CTSH: variants seen among roughly 807,000 people sequenced by gnomAD.
CTSH encodes the protein pro-cathepsin H.
A neutral mutation model predicts 56.3 loss-of-function variants in CTSH; 52 were observed. The observed-to-expected ratio is 0.92, with a 90% CI of 0.74 to 1.16. The LOEUF is 1.16. Among genes scored for constraint, CTSH ranks in the 50% most tolerant of loss-of-function variants. The pLI, the probability that CTSH is intolerant of heterozygous loss-of-function variation, is 0.00. For missense variants in CTSH, 406 were observed against 424.5 expected (o/e 0.96, Z 0.38); for synonymous variants, 174 against 155.7 (o/e 1.12, Z -0.88).
chr15:78,924,522 C>T (rs559601242), intron 10 of CTSH, among the ~76,000 whole-genome samples: 1 of 152,164 alleles, frequency 6.6e-6, no homozygotes, highest in East Asian at 1.9e-4. Flanking sequence ...GGAAATGAGG[C>T]TGCAAACCAG....
chr15:78,942,888 G>C (rs1244611277), intron 1 of CTSH, among the ~76,000 whole-genome samples: 3 of 152,138 alleles, frequency 2.0e-5, no homozygotes, highest in Admixed American at 6.5e-5. Context: ...CTCCGTTTTT[G>C]GGTCTCGAAC....
intron 5 of CTSH, among the ~76,000 whole-genome samples, chr15:78,934,607 G>A (rs2055134003): frequency 6.6e-6 from 1 of 152,240 alleles, no homozygotes; most frequent in African/African-American, 2.4e-5. Context: ...CTGGACCCTG[G>A]TGGCTCGGAG....
At chr15:78,922,932 C>T (rs987913356) in intron 11 of CTSH, 61 bp downstream of exon 11, 13 of 1,551,380 alleles carry the variant, frequency 8.4e-6, no homozygotes, top group Non-Finnish European at 1.1e-5. Flanking sequence ...AGTGATGCCC[C>T]CAGGGCCTCC....
In CTSH at chr15:78,937,348, C is replaced by A; in HGVS notation, c.199G>T (p.Ala67Ser). The change falls in exon 3 of 12, where the codon GCC (alanine) becomes TCC (serine). Residue 67 changes from alanine to serine, a missense_variant. Ala to Ser is a moderately conservative substitution (Grantham distance 99). Transcript: ENST00000220166. ...AATGTGTGGTTCCCATTGTTGTGGG[C>A]GTTTATCTTCCTCCAGTTGCTGGCA... ...TFASNWRKINAHNNGNHTFKM... is the reference protein window; with the variant it reads ...TFASNWRKINSHNNGNHTFKM... 6.2e-7 allele frequency: 1 copy of A among 1,614,020 alleles called. No homozygotes were observed. Among genetic ancestry groups the A allele is most frequent in the Middle Eastern group, 1.7e-4 (1 of 6,044 alleles).
At position 78,930,665 on chromosome 15, in the gene CTSH, A is replaced by C. The variant is rs185505780; in HGVS notation, c.548+786T>G. Among the ~76,000 whole-genome samples the C allele has an allele frequency of 8.5e-5, 13 of 152,344 alleles. No homozygotes were observed. The East Asian group carries it at 2.1e-3, about 25-fold the overall frequency. Reference sequence around the variant, plus strand: ...TGTGGAGTGGAAACAGACCAAAAGTAAGGGGACACTGAGCATGATGGTGGA... The same window carrying C: ...TGTGGAGTGGAAACAGACCAAAAGTCAGGGGACACTGAGCATGATGGTGGA... On this transcript the variant is annotated intron_variant, in intron 7 of 11. Transcript: ENST00000220166.
chr15:78,936,921 G>A (rs139414307), intron 3 of CTSH: 2,839 of 172,542 alleles, frequency 0.016, 43 homozygotes, highest in Admixed American at 0.025. Context: ...GAGCCACCGC[G>A]CCCGGCCTAT....
chr15:78,944,732 A>C, intron 1 of CTSH, 159 bp downstream of exon 1: 1 of 1,291,148 alleles, frequency 7.7e-7, no homozygotes, highest in South Asian at 2.0e-5. Context: ...CCTATAATGC[A>C]GTTTACCCCT....
intron 7 of CTSH, 42 bp from the exon 8 acceptor site, chr15:78,929,535 T>C (rs767914772): frequency 8.2e-6 from 12 of 1,462,748 alleles, no homozygotes; most frequent in Admixed American, 1.9e-5. Flanking sequence ...GGGGCTGTCC[T>C]GATAGAGGCG....
chr15:78,935,831 C>T (rs2055162728), intron 3 of CTSH, 81 bp from the exon 4 acceptor site: 1 of 970,250 alleles, frequency 1.0e-6, no homozygotes, highest in South Asian at 1.4e-5. Flanking sequence ...GATGAAACCT[C>T]CTGTTTACCT....
chr15:78,942,197 C>G (rs949779252), intron 1 of CTSH, among the ~76,000 whole-genome samples: 2 of 149,730 alleles, frequency 1.3e-5, no homozygotes, highest in African/African-American at 4.9e-5. Flanking sequence ...AGCCCTCCCT[C>G]CCTCCCTTTC....
chr15:78,940,477 C>T (rs1171143112), intron 1 of CTSH, among the ~76,000 whole-genome samples: 1 of 150,240 alleles, frequency 6.7e-6, no homozygotes, highest in Non-Finnish European at 1.5e-5. Flanking sequence ...GTTGAGGCTG[C>T]AATGAGCTAT....
In CTSH at chr15:78,925,186, G is replaced by A. The variant is rs2054876136; in HGVS notation, c.806+148C>T. 5.1e-6 allele frequency: 3 copies of A among 588,574 alleles called. No individual in the cohort carries two copies. In the East Asian group the frequency reaches 8.9e-5, roughly 17 times the overall value. 36.5% of individuals were successfully genotyped at this position (588,574 alleles called of 1,614,324 possible). A position where few individuals can be genotyped will look rare whatever the true frequency, so the allele number is the denominator to read the frequency against. On this transcript the variant is annotated intron_variant, in intron 10 of 11. Transcript: ENST00000220166. The stretch of plus-strand genomic sequence containing the variant: ...GCTGTGTGAGGATTAACTGAGGGAT[G>A]TGCAAAACGCCCAGCACCTGGCAGG...
Position 78,927,050 on chromosome 15 carries a change from T to C in CTSH, c.699+663A>G, listed in dbSNP as rs145481586. The C allele has an allele frequency of 4.6e-3, 697 of 152,784 alleles. 4 individuals are homozygous for C. Among genetic ancestry groups the C allele is most frequent in the Non-Finnish European group, 7.2e-3 (495 of 68,406 alleles). 9.5% of individuals were successfully genotyped at this position (152,784 alleles called of 1,614,324 possible). On this transcript the variant is annotated intron_variant, in intron 9 of 11. Transcript: ENST00000220166. ...ACACACCCTCCCACACTTGCATGCA[T>C]GCACACTGCAGTCACGAAGGCGTTC...
At chr15:78,944,812 G>A in intron 1 of CTSH, 79 bp downstream of exon 1, 2 of 1,468,392 alleles carry the variant, frequency 1.4e-6, no homozygotes, top group Non-Finnish European at 1.8e-6. Flanking sequence ...CCGGAGCCCA[G>A]TGCGCCCCTG....
Position 78,937,331 on chromosome 15 carries a change from G to A in CTSH, c.216C>T (p.Asn72=), listed in dbSNP as rs371892856. Residue 72 remains asparagine (N), a synonymous_variant, in exon 3 of 12, where the codon AAC becomes AAT. Coordinates refer to ENST00000220166, the MANE Select transcript of CTSH (RefSeq NM_004390.5). ...WRKINAHNNG[N]HTFKMALNQF... ...CGTTCCACGTACTTTTAAATGTGTGGTTCCCATTGTTGTGGGCGTTTATCT... is the reference window on the plus strand; with the variant it reads ...CGTTCCACGTACTTTTAAATGTGTGATTCCCATTGTTGTGGGCGTTTATCT... 7.4e-6 allele frequency: 12 copies of A among 1,613,580 alleles called. No homozygotes were observed. In the African/African-American group the frequency reaches 1.6e-4, roughly 22 times the overall value.
chr15:78,931,988 G>A lies in CTSH; in HGVS notation c.492+384C>T, dbSNP rs760355325. ...GGGGCATCATCCGTCTCTTGTGGGC[G>A]AGGGGATGGATGCATAGGTCCCGGC... On this transcript the variant is annotated intron_variant, in intron 6 of 11. Coordinates refer to ENST00000220166, the MANE Select transcript of CTSH (RefSeq NM_004390.5). The A allele has an allele frequency of 1.8e-5, 21 of 1,151,814 alleles. 1 individual carries two copies. The Admixed American group carries it at 2.5e-4, about 14-fold the overall frequency. The allele number at this position is 1,151,814 out of a possible 1,614,324, so 71.3% of individuals were successfully genotyped here.
At chr15:78,934,906 G>A (rs746559833) in intron 5 of CTSH, 72 bp downstream of exon 5, 5 of 988,190 alleles carry the variant, frequency 5.1e-6, no homozygotes, top group East Asian at 2.4e-5. Context: ...GACCTTTTGA[G>A]TTGTTCTTCC....
intron 7 of CTSH, 68 bp from the exon 8 acceptor site, chr15:78,929,561 G>T (rs2055001369): frequency 2.7e-6 from 3 of 1,117,394 alleles, no homozygotes; most frequent in East Asian, 5.4e-5. Context: ...CTCGGGGACT[G>T]GCGTGGCGAG....
chr15:78,925,198 C>T, intron 10 of CTSH, 136 bp downstream of exon 10: 1 of 609,064 alleles, frequency 1.6e-6, no homozygotes, highest in African/African-American at 1.8e-5. Flanking sequence ...GCAAAACGCC[C>T]AGCACCTGGC....
Sources: allele counts gnomAD v4.1 joint callset (sites outside exome capture counted in the v4.1 genomes callset), GRCh38; gene constraint gnomAD v4.1.1; transcripts MANE v1.5; gene names NCBI Gene and HGNC (gene_info 2026-07-23, HGNC 2026-07-21).